PRKN: variants seen among roughly 807,000 people sequenced by gnomAD.
The protein encoded by PRKN is E3 ubiquitin-protein ligase parkin.
Under a neutral mutation model 59.5 loss-of-function variants are expected in PRKN, and 56 were observed. The observed-to-expected ratio is 0.94, with a 90% confidence interval of 0.76 to 1.18. The LOEUF (loss-of-function observed/expected upper bound fraction) is 1.18. Among genes scored for constraint, PRKN ranks in the 50% most tolerant of loss-of-function variants. The pLI, the probability that PRKN is intolerant of heterozygous loss-of-function variation, is 0.00. For missense variants in PRKN, 657 were observed against 596.4 expected (o/e 1.10, Z -1.06); for synonymous variants, 250 against 222.1 (o/e 1.13, Z -1.12).
chr6:161,610,222 T>C (rs1342037999), intron 7 of PRKN, among the ~76,000 whole-genome samples: 1 of 152,066 alleles, frequency 6.6e-6, no homozygotes, highest in African/African-American at 2.4e-5. Flanking sequence ...CAGCGTTGCA[T>C]GGGAGCTGGC....
At chr6:162,727,535 G>A in intron 1 of PRKN, 127 bp downstream of exon 1, 3 of 1,086,062 alleles carry the variant, frequency 2.8e-6, no homozygotes, top group Non-Finnish European at 4.0e-6. Flanking sequence ...GCCGGGGACG[G>A]CACGGGCACT....
chr6:161,507,216 G>A (rs762894480), intron 9 of PRKN, among the ~76,000 whole-genome samples: 2 of 152,224 alleles, frequency 1.3e-5, no homozygotes, highest in Admixed American at 6.5e-5. Flanking sequence ...TAGTGGGAAA[G>A]AGGTTTGGTG....
chr6:162,652,007 C>T (rs745417075), intron 1 of PRKN, among the ~76,000 whole-genome samples: 6 of 152,152 alleles, frequency 3.9e-5, no homozygotes, highest in East Asian at 1.9e-4. Flanking sequence ...ACCCTCAGTA[C>T]TACTGACATT....
intron 6 of PRKN, among the ~76,000 whole-genome samples, chr6:161,881,789 CT>C (rs1374109653): frequency 6.6e-6 from 1 of 152,198 alleles, no homozygotes; most frequent in African/African-American, 2.4e-5. Context: ...GAAAGGGCAA[CT>C]GAAAACGGAC....
chr6:162,012,661 A>G (rs1782778718), intron 5 of PRKN, among the ~76,000 whole-genome samples: 2 of 152,074 alleles, frequency 1.3e-5, no homozygotes, highest in South Asian at 2.1e-4. Context: ...AATTGAACCA[A>G]TTATATCTGT....
At chr6:162,205,528 G>T (rs1392814134) in intron 3 of PRKN, among the ~76,000 whole-genome samples, 2 of 152,070 alleles carry the variant, frequency 1.3e-5, no homozygotes, top group East Asian at 3.9e-4. Flanking sequence ...TCTAGGTGGG[G>T]AGAGAGTAAG....
chr6:161,640,864 T>C (rs1384049992), intron 7 of PRKN, among the ~76,000 whole-genome samples: 1 of 152,246 alleles, frequency 6.6e-6, no homozygotes, highest in Non-Finnish European at 1.5e-5. Context: ...AAATAAAGTT[T>C]AAAGGGTGCT....
chr6:161,608,963 C>T (rs745936037), intron 7 of PRKN, among the ~76,000 whole-genome samples: 12 of 152,122 alleles, frequency 7.9e-5, no homozygotes, highest in Non-Finnish European at 1.6e-4. Flanking sequence ...TTGTCATTGC[C>T]TGCACATGCC....
At chr6:162,010,391 A>G (rs1257476344) in intron 5 of PRKN, among the ~76,000 whole-genome samples, 2 of 93,018 alleles carry the variant, frequency 2.2e-5, no homozygotes, top group South Asian at 3.0e-4. Flanking sequence ...TATAATATAT[A>G]AATAATATAC....
At chr6:161,637,402 C>A in intron 7 of PRKN, among the ~76,000 whole-genome samples, 1 of 147,842 alleles carries the variant, frequency 6.8e-6, no homozygotes. Context: ...TGTGTAAGAA[C>A]AAAAACTTTT....
At position 161,844,007 on chromosome 6, in the gene PRKN, C is replaced by A. The variant is rs189516438; in HGVS notation, c.735-58099G>T. On this transcript the variant is annotated intron_variant, in intron 6 of 11. Transcript: ENST00000366898. The stretch of plus-strand genomic sequence containing the variant: ...TTCCACTTGAAAGCCTTTCTGCCTA[C>A]GTGAAGATGCAGATGAAGGACCCGA... Among the ~76,000 whole-genome samples the A allele has an allele frequency of 1.2e-4, 18 of 152,114 alleles. No homozygotes were observed. In the East Asian group the frequency reaches 3.5e-3, roughly 29 times the overall value.
intron 2 of PRKN, among the ~76,000 whole-genome samples, chr6:162,442,381 G>T (rs993696885): frequency 2.0e-5 from 3 of 152,182 alleles, no homozygotes. Flanking sequence ...CATCTGCAGG[G>T]TCCTTCACAG....
At chr6:162,485,198 T>C (rs559459433) in intron 1 of PRKN, among the ~76,000 whole-genome samples, 8 of 152,234 alleles carry the variant, frequency 5.3e-5, no homozygotes, top group East Asian at 1.9e-4. Flanking sequence ...CTTAGAAAAA[T>C]TGGATATTTA....
intron 10 of PRKN, among the ~76,000 whole-genome samples, chr6:161,368,973 G>A (rs1343016582): frequency 1.3e-5 from 2 of 152,134 alleles, no homozygotes; most frequent in African/African-American, 2.4e-5. Flanking sequence ...GCGGATCCAC[G>A]GGGAGGGAGG....
chr6:161,685,636 T>C (rs913003850), intron 7 of PRKN, among the ~76,000 whole-genome samples: 5 of 152,190 alleles, frequency 3.3e-5, no homozygotes, highest in Admixed American at 2.6e-4. Context: ...GCCCGGTTCC[T>C]AACAGGTCAC....
At chr6:161,821,492 A>T (rs1792022364) in intron 6 of PRKN, among the ~76,000 whole-genome samples, 1 of 152,098 alleles carries the variant, frequency 6.6e-6, no homozygotes, top group South Asian at 2.1e-4. Context: ...TGTATGAAAC[A>T]GCTTAGTACA....
At chr6:161,570,143 A>AT (rs1261556637) in intron 7 of PRKN, among the ~76,000 whole-genome samples, 97 of 134,402 alleles carry the variant, frequency 7.2e-4, no homozygotes, top group African/African-American at 2.1e-3. Flanking sequence ...AAAAAAAAAA[A>AT]AAAATATATA....
intron 2 of PRKN, among the ~76,000 whole-genome samples, chr6:162,292,619 C>A (rs535445795): frequency 1.3e-5 from 2 of 152,128 alleles, no homozygotes; most frequent in Non-Finnish European, 2.9e-5. Flanking sequence ...TGACCTAGAG[C>A]CCATAAGAAG....
intron 7 of PRKN, among the ~76,000 whole-genome samples, chr6:161,708,596 A>G (rs1367314711): frequency 6.6e-6 from 1 of 152,192 alleles, no homozygotes; most frequent in East Asian, 1.9e-4. Context: ...GATACTTACT[A>G]TATTTTCAAA....
Sources: allele counts gnomAD v4.1 joint callset (sites outside exome capture counted in the v4.1 genomes callset), GRCh38; gene constraint gnomAD v4.1.1; transcripts MANE v1.5; gene names NCBI Gene and HGNC (gene_info 2026-07-23, HGNC 2026-07-21).